Variants in DLEC1 observed in about 807,000 individuals in gnomAD.
The protein encoded by DLEC1 is deleted in lung and esophageal cancer protein 1.
A neutral mutation model predicts 198.1 loss-of-function variants in DLEC1; 146 were observed. That is an observed-to-expected ratio of 0.74 (90% CI 0.64 to 0.85). The LOEUF (loss-of-function observed/expected upper bound fraction) is 0.85. Ranked by LOEUF, DLEC1 falls within the 40% of genes least tolerant of loss-of-function variation. The probability of loss-of-function intolerance (pLI) is 0.00; values close to 1 mark genes in which losing one functional copy is unlikely to be tolerated. For missense variants in DLEC1, 2,233 were observed against 2,220.0 expected (o/e 1.01, Z -0.12); for synonymous variants, 897 against 866.8 (o/e 1.03, Z -0.61).
At chr3:38,114,265 C>A in intron 25 of DLEC1, 77 bp from the exon 26 acceptor site, 1 of 1,445,378 alleles carries the variant, frequency 6.9e-7, no homozygotes, top group Non-Finnish European at 9.7e-7. Context: ...GCTGGCTGGA[C>A]AAGTGGAGGC....
At chr3:38,076,260 C>T (rs183993393) in intron 6 of DLEC1, among the ~76,000 whole-genome samples, 354 of 152,226 alleles carry the variant, frequency 2.3e-3, no homozygotes, top group Non-Finnish European at 3.9e-3. Context: ...TTGGGCTCAT[C>T]GGTCTGAGGA....
intron 12 of DLEC1, among the ~76,000 whole-genome samples, chr3:38,094,038 G>T (rs575537872): frequency 6.6e-6 from 1 of 152,268 alleles, no homozygotes; most frequent in South Asian, 2.1e-4. Context: ...CTGTCATATT[G>T]GACAGTGCAG....
intron 33 of DLEC1, among the ~76,000 whole-genome samples, chr3:38,119,552 T>C (rs1432835308): frequency 6.6e-6 from 1 of 152,140 alleles, no homozygotes; most frequent in Non-Finnish European, 1.5e-5. Flanking sequence ...GTGGCCTTTT[T>C]TTTTTTAGAT....
In DLEC1 at chr3:38,093,602, C is replaced by T; in HGVS notation, c.1757-3C>T. The T allele has an allele frequency of 6.2e-7, 1 of 1,614,094 alleles. No homozygotes were observed. The highest frequency in any genetic ancestry group is 8.5e-7 in the Non-Finnish European group (1 of 1,180,002). On this transcript the variant is annotated splice_polypyrimidine_tract_variant and splice_region_variant and intron_variant, in intron 11 of 36. Transcript: ENST00000308059. Reference sequence around the variant, plus strand: ...ACTGACTTCACTTACTCTACTTTGGCAGGAATTGGGCAGCTGATTGCTTTG... The same window carrying T: ...ACTGACTTCACTTACTCTACTTTGGTAGGAATTGGGCAGCTGATTGCTTTG...
intron 25 of DLEC1, among the ~76,000 whole-genome samples, chr3:38,113,580 A>G (rs1283272743): frequency 9.8e-6 from 1 of 101,908 alleles, no homozygotes; most frequent in Non-Finnish European, 2.5e-5. Context: ...GGTCCCAGCT[A>G]TTCAGGAGGC....
At chr3:38,120,703 TC>T (rs1700405778) in intron 34 of DLEC1, 94 bp downstream of exon 34, 2 of 1,521,184 alleles carry the variant, frequency 1.3e-6, no homozygotes, top group Admixed American at 4.0e-5. Flanking sequence ...AGCAGGGCCC[TC>T]AGAAATAAGG....
chr3:38,108,334 A>G (rs1191726617), intron 20 of DLEC1, 71 bp from the exon 21 acceptor site: 3 of 1,294,162 alleles, frequency 2.3e-6, no homozygotes, highest in East Asian at 2.4e-5. Context: ...AGCAGTGCTG[A>G]GCACTCTCTG....
intron 21 of DLEC1, 81 bp from the exon 22 acceptor site, chr3:38,109,351 C>T: frequency 1.9e-6 from 3 of 1,568,614 alleles, no homozygotes; most frequent in Non-Finnish European, 2.6e-6. Context: ...CCACAGCAAT[C>T]CCCTGTGCTG....
intron 6 of DLEC1, among the ~76,000 whole-genome samples, chr3:38,064,690 G>C (rs1247769135): frequency 4.7e-3 from 689 of 147,488 alleles, no homozygotes; most frequent in African/African-American, 0.017. Flanking sequence ...ACACTCCTCA[G>C]TTCCCAGACG....
Position 38,123,870 on chromosome 3 carries a change from A to G in DLEC1, c.*1458A>G, listed in dbSNP as rs1700606624. On this transcript the variant is annotated 3_prime_UTR_variant, in exon 37 of 37. Coordinates refer to ENST00000308059, the MANE Select transcript of DLEC1 (RefSeq NM_007335.4). ...ACAAAAATTAGCTGGGTGTGGTGGC[A>G]GACACCTATAATCCCAGATACTCGG... is the stretch of plus-strand genomic sequence containing the variant. 6.6e-6 allele frequency: 1 copy of G among 151,998 alleles called. No individual in the cohort carries two copies. The highest frequency in any genetic ancestry group is 1.5e-5 in the Non-Finnish European group (1 of 68,012). The allele number at this position is 151,998 out of a possible 1,614,324, so 9.4% of individuals were successfully genotyped here.
chr3:38,109,604 G>A (rs1699755777), intron 22 of DLEC1, 42 bp downstream of exon 22: 1 of 1,612,314 alleles, frequency 6.2e-7, no homozygotes, highest in Admixed American at 1.7e-5. Context: ...AGTGGACTGA[G>A]GAATGAGGCA....
chr3:38,075,004 G>A (rs1354325707), intron 6 of DLEC1, among the ~76,000 whole-genome samples: 1 of 152,140 alleles, frequency 6.6e-6, no homozygotes, highest in Non-Finnish European at 1.5e-5. Context: ...AGCCGGACCG[G>A]GTGTGAGGAG....
At chr3:38,092,131 A>G (rs1016417657) in intron 10 of DLEC1, among the ~76,000 whole-genome samples, 2 of 152,250 alleles carry the variant, frequency 1.3e-5, no homozygotes, top group African/African-American at 4.8e-5. Flanking sequence ...GTCATTCACA[A>G]TAGGCAAGCT....
rs752925701 is a variant in DLEC1, at chr3:38,085,459, C to T, written c.1435+12C>T. 1.9e-5 allele frequency: 30 copies of T among 1,612,646 alleles called. No individual in the cohort carries two copies. Among genetic ancestry groups the T allele is most frequent in the Middle Eastern group, 3.3e-4 (2 of 5,976 alleles). On this transcript the variant is annotated intron_variant, in intron 8 of 36. Coordinates refer to ENST00000308059, the MANE Select transcript of DLEC1 (RefSeq NM_007335.4). ...CCCCGTGCTGACATGTGAGTGTGCA[C>T]CGTAGCTTCCCACAGATTCAGTTAA... is the stretch of plus-strand genomic sequence containing the variant.
At chr3:38,102,135 A>T (rs1407596857) in intron 19 of DLEC1, among the ~76,000 whole-genome samples, 1 of 151,740 alleles carries the variant, frequency 6.6e-6, no homozygotes, top group Non-Finnish European at 1.5e-5. Context: ...CCCAGCCCCA[A>T]CCCATCTACT....
chr3:38,092,705 G>A (rs1698801881), intron 10 of DLEC1, 85 bp from the exon 11 acceptor site: 3 of 1,187,516 alleles, frequency 2.5e-6, no homozygotes, highest in Non-Finnish European at 3.8e-6. Flanking sequence ...AGAAAGGGGT[G>A]TGTGTCCGAG....
chr3:38,066,606 C>A (rs776148055), intron 6 of DLEC1, among the ~76,000 whole-genome samples: 2 of 152,242 alleles, frequency 1.3e-5, no homozygotes, highest in Non-Finnish European at 2.9e-5. Flanking sequence ...AAGCTTCCCA[C>A]CTTCTTGGGG....
At chr3:38,056,051 T>G (rs1696344964) in intron 2 of DLEC1, among the ~76,000 whole-genome samples, 1 of 148,278 alleles carries the variant, frequency 6.7e-6, no homozygotes, top group South Asian at 2.1e-4. Context: ...AAATCTGATC[T>G]CTACAAAAAA....
intron 6 of DLEC1, among the ~76,000 whole-genome samples, chr3:38,067,909 C>G (rs1172469010): frequency 6.6e-6 from 1 of 151,986 alleles, no homozygotes; most frequent in African/African-American, 2.4e-5. Context: ...CGCACCACCA[C>G]GCCTGGCTAA....
Sources: allele counts gnomAD v4.1 joint callset (sites outside exome capture counted in the v4.1 genomes callset), GRCh38; gene constraint gnomAD v4.1.1; transcripts MANE v1.5; gene names NCBI Gene and HGNC (gene_info 2026-07-23, HGNC 2026-07-21).